SH2D1B: variants seen among roughly 807,000 people sequenced by gnomAD.
The protein encoded by SH2D1B is SH2 domain containing 1B.
SH2D1B carries 11 observed loss-of-function variants against 16.3 expected under a neutral mutation model. That is an observed-to-expected ratio of 0.67 (90% confidence interval 0.42 to 1.11). The LOEUF is 1.11. SH2D1B is among the 50% of genes most tolerant of loss of function. The pLI, the probability that SH2D1B is intolerant of heterozygous loss-of-function variation, is 0.00. For synonymous variants in SH2D1B, 55 were observed against 56.1 expected (o/e 0.98, Z 0.09); for missense variants, 123 against 153.1 (o/e 0.80, Z 1.04).
rs1006199308 is a variant in SH2D1B at position 162,396,220 on chromosome 1, C to G, written c.*1060G>C. On this transcript the variant is annotated 3_prime_UTR_variant, in exon 4 of 4. Transcript: ENST00000367929. ...AAGTCCAGTGGGGTGAAATACATTACTACAATTTGATGATAGGTAAGAGAA... is the reference window on the plus strand; with the variant it reads ...AAGTCCAGTGGGGTGAAATACATTAGTACAATTTGATGATAGGTAAGAGAA... 1.8e-4 allele frequency: 28 copies of G among 152,196 alleles called. No individual in the cohort carries two copies. The highest frequency in any genetic ancestry group is 1.5e-3 in the Admixed American group (23 of 15,276). 9.4% of individuals were successfully genotyped at this position (152,196 alleles called of 1,614,324 possible).
intron 3 of SH2D1B, among the ~76,000 whole-genome samples, chr1:162,397,922 GA>G (rs34899302): frequency 0.085 from 12,901 of 152,234 alleles, 878 homozygotes; most frequent in East Asian, 0.34. Context: ...ATTTGGGGGG[GA>G]AAGTAGCTGT....
chr1:162,404,964 A>C (rs1648618702), intron 1 of SH2D1B, among the ~76,000 whole-genome samples: 1 of 152,250 alleles, frequency 6.6e-6, no homozygotes, highest in Admixed American at 6.5e-5. Context: ...CCCAGGAGAA[A>C]TGAAAGCATA....
intron 1 of SH2D1B, among the ~76,000 whole-genome samples, chr1:162,408,146 G>A (rs1407523848): frequency 1.3e-5 from 2 of 152,266 alleles, no homozygotes; most frequent in Middle Eastern, 3.4e-3. Context: ...ACATATGAGA[G>A]AATTCAAATA....
chr1:162,411,327 T>C (rs1428459083), intron 1 of SH2D1B, among the ~76,000 whole-genome samples: 1 of 152,202 alleles, frequency 6.6e-6, no homozygotes, highest in East Asian at 1.9e-4. Context: ...ATTTGAGAAA[T>C]TCAGGTCTCT....
At chr1:162,400,457 ATTTTTTTTTTTTTTT>A (rs34822047) in intron 2 of SH2D1B, among the ~76,000 whole-genome samples, 1 of 110,840 alleles carries the variant, frequency 9.0e-6, no homozygotes, top group African/African-American at 3.4e-5. Context: ...TACCTGGCTA[ATTTTTTTTTTTTTTT>A]TTTTTGTATT....
chr1:162,402,933 G>T, intron 1 of SH2D1B, 131 bp from the exon 2 acceptor site: 1 of 655,380 alleles, frequency 1.5e-6, no homozygotes, highest in Non-Finnish European at 2.6e-6. Context: ...TTCTGGGACG[G>T]AATATCACTC....
chr1:162,399,217 C>A, intron 2 of SH2D1B, 130 bp from the exon 3 acceptor site: 1 of 775,310 alleles, frequency 1.3e-6, no homozygotes, highest in Non-Finnish European at 2.0e-6. Flanking sequence ...GTGGCTGGAG[C>A]TCACACCACT....
chr1:162,411,948 C>A lies in SH2D1B; in HGVS notation c.69G>T (p.Gly23=). 1 of 1,614,156 alleles carries A rather than the reference C, an allele frequency of 6.2e-7. No individual in the cohort carries two copies. Among genetic ancestry groups the A allele is most frequent in the Non-Finnish European group, 8.5e-7 (1 of 1,180,032 alleles). ...QDCETLLLKE[G]VDGNFLLRDS... ...CTCTTAAAAGAAAGTTGCCATCCAC[C>A]CCTTCCTTGAGCAGCAAGGTCTCAC... Residue 23 remains glycine, a synonymous_variant, in exon 1 of 4, where the codon GGG becomes GGT. Transcript: ENST00000367929.
At chr1:162,403,085 A>G (rs1648561736) in intron 1 of SH2D1B, among the ~76,000 whole-genome samples, 1 of 151,866 alleles carries the variant, frequency 6.6e-6, no homozygotes, top group Admixed American at 6.6e-5. Flanking sequence ...AATGGCTATT[A>G]TCAAAAAAGA....
intron 2 of SH2D1B, among the ~76,000 whole-genome samples, chr1:162,402,228 C>T (rs1344243952): frequency 6.6e-6 from 1 of 150,764 alleles, no homozygotes; most frequent in Non-Finnish European, 1.5e-5. Flanking sequence ...AAAAGTAGAA[C>T]CCAGCTGGGT....
Position 162,396,543 on chromosome 1 carries a change from A to G in SH2D1B, c.*737T>C, listed in dbSNP as rs1648382174. The G allele has an allele frequency of 6.6e-6, 1 of 152,398 alleles. No homozygotes were observed. The highest frequency in any genetic ancestry group is 1.5e-5 in the Non-Finnish European group (1 of 68,168). The allele number at this position is 152,398 out of a possible 1,614,324, so 9.4% of individuals were successfully genotyped here. ...GAAATCTCCACATACATCACTGTACAGAACCACATTCATGCTGTTGAAATG... is the reference window on the plus strand; with the variant it reads ...GAAATCTCCACATACATCACTGTACGGAACCACATTCATGCTGTTGAAATG... On this transcript the variant is annotated 3_prime_UTR_variant, in exon 4 of 4. Transcript: ENST00000367929.
intron 1 of SH2D1B, 65 bp from the exon 2 acceptor site, chr1:162,402,867 T>C (rs1571273055): frequency 7.9e-7 from 1 of 1,259,358 alleles, no homozygotes; most frequent in East Asian, 2.3e-5. Context: ...TCTATCGTTA[T>C]GTTTCATATG....
intron 1 of SH2D1B, among the ~76,000 whole-genome samples, chr1:162,403,501 AAAAAAAAAAAATATATATAT>A (rs1365848726): frequency 1.2e-3 from 45 of 37,076 alleles, no homozygotes; most frequent in Non-Finnish European, 2.5e-3. Context: ...AAAAAAAAAA[AAAAAAAAAAAATATATATAT>A]ATATATATAT....
At chr1:162,402,941 C>G (rs907506139) in intron 1 of SH2D1B, 139 bp from the exon 2 acceptor site, 1 of 640,372 alleles carries the variant, frequency 1.6e-6, no homozygotes, top group Non-Finnish European at 2.7e-6. Context: ...CGGAATATCA[C>G]TCTGTCGCCC....
At chr1:162,405,655 A>G (rs149856693) in intron 1 of SH2D1B, among the ~76,000 whole-genome samples, 17 of 152,294 alleles carry the variant, frequency 1.1e-4, no homozygotes, top group Middle Eastern at 3.4e-3. Flanking sequence ...AGTGGAGCCT[A>G]CCTTTTTGTT....
intron 1 of SH2D1B, among the ~76,000 whole-genome samples, chr1:162,403,348 G>GT (rs1481420650): frequency 2.0e-5 from 3 of 150,840 alleles, no homozygotes; most frequent in Admixed American, 1.3e-4. Flanking sequence ...AATTAGCTGG[G>GT]TGTGGTGGCG....
chr1:162,398,020 G>A (rs539331580), intron 3 of SH2D1B, among the ~76,000 whole-genome samples: 1 of 152,308 alleles, frequency 6.6e-6, no homozygotes, highest in African/African-American at 2.4e-5. Flanking sequence ...GGGGGGACAG[G>A]GACACAATGG....
intron 1 of SH2D1B, among the ~76,000 whole-genome samples, chr1:162,405,036 G>A (rs769427537): frequency 1.1e-4 from 16 of 152,182 alleles, no homozygotes; most frequent in Non-Finnish European, 1.9e-4. Context: ...AGCTATAAAT[G>A]AGTAAGCAAT....
At chr1:162,403,530 A>C (rs1269632423) in intron 1 of SH2D1B, among the ~76,000 whole-genome samples, 1 of 104,620 alleles carries the variant, frequency 9.6e-6, no homozygotes. Context: ...ATATATATAT[A>C]TATATATATA....
Sources: allele counts gnomAD v4.1 joint callset (sites outside exome capture counted in the v4.1 genomes callset), GRCh38; gene constraint gnomAD v4.1.1; transcripts MANE v1.5; gene names NCBI Gene and HGNC (gene_info 2026-07-23, HGNC 2026-07-21).